Variants in FAM32A observed in about 807,000 individuals in gnomAD.
FAM32A encodes protein FAM32A.
Under a neutral mutation model 15.8 loss-of-function variants are expected in FAM32A, and 9 were observed. The observed-to-expected ratio is 0.57, with a 90% CI of 0.34 to 1.00. The LOEUF is 1.00. Ranked by LOEUF, FAM32A falls within the 50% of genes least tolerant of loss-of-function variation. The probability of loss-of-function intolerance (pLI) is 0.02; values close to 1 mark genes in which losing one functional copy is unlikely to be tolerated. For synonymous variants in FAM32A, 64 were observed against 54.9 expected, an observed-to-expected ratio of 1.16 and a Z score of -0.73; for missense variants, 113 against 138.3, an observed-to-expected ratio of 0.82 and a Z score of 0.92.
At chr19:16,186,125 G>C (rs1428858117) in intron 2 of FAM32A, among the ~76,000 whole-genome samples, 1 of 152,110 alleles carries the variant, frequency 6.6e-6, no homozygotes, top group Non-Finnish European at 1.5e-5. Context: ...GTACGAGTCA[G>C]GGTAGTAACT....
rs189589558 is a variant in FAM32A at position 16,190,206 on chromosome 19, C to T, written c.217-314C>T. 2.8e-3 allele frequency among the ~76,000 whole-genome samples: 431 copies of T among 152,276 alleles called. 4 individuals carry two copies. The highest frequency in any genetic ancestry group is 0.015 in the South Asian group (71 of 4,816). On this transcript the variant is annotated intron_variant, in intron 2 of 3. Coordinates refer to ENST00000263384, the MANE Select transcript of FAM32A (RefSeq NM_014077.4). ...GAAACCCGCTCTGGGACTTTGTTTT[C>T]CTCCAAACTGGGAGTGCTAACAGCC... is the stretch of plus-strand genomic sequence containing the variant.
rs756389036 is a variant in FAM32A at position 16,190,518 on chromosome 19, A to G, written c.217-2A>G. On this transcript the variant is annotated splice_acceptor_variant, in intron 2 of 3. Transcript: ENST00000263384. LOFTEE classifies it high-confidence loss of function. The stretch of plus-strand genomic sequence containing the variant: ...TCACCTCCATGTCTCTTCTCTCTCC[A>G]GCAAATGGAAAGGATCCTAAAGAAG... 6 of 1,609,062 alleles carry G rather than the reference A, an allele frequency of 3.7e-6. No individual in the cohort carries two copies. Among genetic ancestry groups the G allele is most frequent in the Non-Finnish European group, 5.1e-6 (6 of 1,177,198 alleles).
rs1313931040 is a variant in FAM32A at position 16,191,262 on chromosome 19, C to G, written c.*307C>G. ...TGTGTCATGTAAAAATGTTTTCACC[C>G]GAGTTGCATGTAACGCTCTGAGGCC... On this transcript the variant is annotated 3_prime_UTR_variant, in exon 4 of 4. Coordinates refer to ENST00000263384, the MANE Select transcript of FAM32A (RefSeq NM_014077.4). 4 of 368,412 alleles carry G rather than the reference C, an allele frequency of 1.1e-5. No homozygotes were observed. The highest frequency in any genetic ancestry group is 2.1e-5 in the Non-Finnish European group (4 of 191,994). 22.8% of individuals were successfully genotyped at this position (368,412 alleles called of 1,614,324 possible).
chr19:16,190,642 C>T, intron 3 of FAM32A, 69 bp downstream of exon 3: 1 of 1,246,968 alleles, frequency 8.0e-7, no homozygotes, highest in Non-Finnish European at 1.2e-6. Context: ...AGGCTATCAG[C>T]TGGCAGAGGG....
chr19:16,190,474 C>A, intron 2 of FAM32A, 46 bp from the exon 3 acceptor site: 1 of 1,393,220 alleles, frequency 7.2e-7, no homozygotes, highest in Non-Finnish European at 1.0e-6. Flanking sequence ...CCAGCCTGGG[C>A]TGTGTTGAGC....
At chr19:16,185,855 A>G in intron 2 of FAM32A, 90 bp downstream of exon 2, 1 of 1,414,030 alleles carries the variant, frequency 7.1e-7, no homozygotes, top group African/African-American at 1.5e-5. Flanking sequence ...CTCCGAGGGC[A>G]GGGGAGCGGT....
chr19:16,186,787 C>G (rs1028939212), intron 2 of FAM32A: 10 of 152,218 alleles, frequency 6.6e-5, no homozygotes, highest in African/African-American at 1.9e-4. Context: ...CCCTAAACTC[C>G]CACCCCGAAG....
chr19:16,190,827 T>C (rs1489581887), intron 3 of FAM32A, 60 bp from the exon 4 acceptor site: 17 of 1,408,192 alleles, frequency 1.2e-5, no homozygotes, highest in Non-Finnish European at 1.7e-5. Flanking sequence ...GCAGTGCCAC[T>C]TCTCCCCAGT....
At chr19:16,187,019 T>C (rs2091388556) in intron 2 of FAM32A, among the ~76,000 whole-genome samples, 1 of 152,032 alleles carries the variant, frequency 6.6e-6, no homozygotes, top group African/African-American at 2.4e-5. Flanking sequence ...CTGGGGAAAA[T>C]GGACCTTGGG....
In FAM32A at chr19:16,188,114, T is replaced by C. The variant is rs184770574; in HGVS notation, c.216+2349T>C. On this transcript the variant is annotated intron_variant, in intron 2 of 3. Transcript: ENST00000263384. Reference sequence around the variant, plus strand: ...AGAGGCAGGGCTGAGATTTTATTGCTGGAAGCCAGAATGAGACTTATGCGA... The same window carrying C: ...AGAGGCAGGGCTGAGATTTTATTGCCGGAAGCCAGAATGAGACTTATGCGA... Among the ~76,000 whole-genome samples, 6 of 152,336 alleles carry C rather than the reference T, an allele frequency of 3.9e-5. No homozygotes were observed. In the East Asian group the frequency reaches 1.2e-3, roughly 29 times the overall value.
Position 16,185,768 on chromosome 19 carries a change from G to A in FAM32A, c.216+3G>A, listed in dbSNP as rs578070486. 6 of 1,548,742 alleles carry A rather than the reference G, an allele frequency of 3.9e-6. No individual in the cohort carries two copies. The highest frequency in any genetic ancestry group is 3.6e-5 in the South Asian group (3 of 84,016). The stretch of plus-strand genomic sequence containing the variant: ...TCGAGAAAATGCAGGAGAAGCGGGT[G>A]AGCAGAAGCAGAAGGCGGCGGGGAG... On this transcript the variant is annotated splice_donor_region_variant and intron_variant, in intron 2 of 3. Coordinates refer to ENST00000263384, the MANE Select transcript of FAM32A (RefSeq NM_014077.4).
chr19:16,188,314 G>A (rs2145098335), intron 2 of FAM32A, among the ~76,000 whole-genome samples: 1 of 152,328 alleles, frequency 6.6e-6, no homozygotes, highest in South Asian at 2.1e-4. Context: ...AAGACTTTGG[G>A]CTGGGCAGTT....
chr19:16,190,883 C>T lies in FAM32A; in HGVS notation c.271-4C>T. ...GACACCGGCCTTCTACTCCACCTCCCCAGGACTTCAACAGACACCTGGACA... is the reference window on the plus strand; with the variant it reads ...GACACCGGCCTTCTACTCCACCTCCTCAGGACTTCAACAGACACCTGGACA... On this transcript the variant is annotated splice_polypyrimidine_tract_variant and splice_region_variant and intron_variant, in intron 3 of 3. Coordinates refer to ENST00000263384, the MANE Select transcript of FAM32A (RefSeq NM_014077.4). 6.2e-7 allele frequency: 1 copy of T among 1,613,946 alleles called. No individual in the cohort carries two copies. Among genetic ancestry groups the T allele is most frequent in the Non-Finnish European group, 8.5e-7 (1 of 1,179,862 alleles).
chr19:16,188,360 G>A (rs950540263), intron 2 of FAM32A, among the ~76,000 whole-genome samples: 3 of 152,184 alleles, frequency 2.0e-5, no homozygotes, highest in African/African-American at 7.2e-5. Flanking sequence ...GGGTGGGAAG[G>A]ATTGCAGGTA....
intron 2 of FAM32A, among the ~76,000 whole-genome samples, chr19:16,189,799 T>C (rs2091399199): frequency 6.7e-6 from 1 of 149,452 alleles, no homozygotes; most frequent in Non-Finnish European, 1.5e-5. Context: ...CCCCAGCCTC[T>C]TGAGTAGCTG....
At chr19:16,186,060 C>T (rs1387298620) in intron 2 of FAM32A, among the ~76,000 whole-genome samples, 1 of 152,168 alleles carries the variant, frequency 6.6e-6, no homozygotes, top group Non-Finnish European at 1.5e-5. Flanking sequence ...GCTTATTTGC[C>T]CTGCGACACT....
chr19:16,185,921 G>A (rs1444110309), intron 2 of FAM32A, among the ~76,000 whole-genome samples, 156 bp downstream of exon 2: 1 of 152,150 alleles, frequency 6.6e-6, no homozygotes, highest in African/African-American at 2.4e-5. Context: ...GAGAAGAGTC[G>A]CCCTCTGCCG....
intron 2 of FAM32A, 119 bp downstream of exon 2, chr19:16,185,884 C>T (rs2145096587): frequency 1.7e-6 from 2 of 1,145,484 alleles, no homozygotes; most frequent in Non-Finnish European, 2.4e-6. Context: ...ACCTTAATTA[C>T]GGGGAGAGGA....
At chr19:16,187,052 G>T (rs2091388712) in intron 2 of FAM32A, among the ~76,000 whole-genome samples, 1 of 152,146 alleles carries the variant, frequency 6.6e-6, no homozygotes, top group African/African-American at 2.4e-5. Flanking sequence ...CTTACTCCCA[G>T]ATCTAATTCA....
Sources: allele counts gnomAD v4.1 joint callset (sites outside exome capture counted in the v4.1 genomes callset), GRCh38; gene constraint gnomAD v4.1.1; transcripts MANE v1.5; gene names NCBI Gene and HGNC (gene_info 2026-07-23, HGNC 2026-07-21).